Variants in NELL1 observed in about 807,000 individuals in gnomAD.
NELL1 encodes the protein protein kinase C-binding protein NELL1.
In NELL1, 76 loss-of-function variants were observed where a neutral mutation model predicts 107.4. The ratio of observed to expected loss-of-function variants is 0.71; its 90% CI spans 0.59 to 0.86. The LOEUF (loss-of-function observed/expected upper bound fraction) is 0.86, where lower values mean the gene tolerates loss of function less well. Among genes scored for constraint, NELL1 ranks in the 40% least tolerant of loss-of-function variants. The probability of loss-of-function intolerance (pLI) is 0.00; values close to 1 mark genes in which losing one functional copy is unlikely to be tolerated. For synonymous variants in NELL1, 353 were observed against 341.2 expected, an observed-to-expected ratio of 1.03 and a Z score of -0.38; for missense variants, 1,024 against 1,005.5, an observed-to-expected ratio of 1.02 and a Z score of -0.25.
At chr11:21,109,421 G>GTATTTC (rs1240364150) in intron 12 of NELL1, among the ~76,000 whole-genome samples, 1 of 152,062 alleles carries the variant, frequency 6.6e-6, no homozygotes, top group Non-Finnish European at 1.5e-5. Context: ...TTTTTAGCGT[G>GTATTTC]AACATGGATT....
chr11:20,868,483 G>A (rs1849135488), intron 4 of NELL1, among the ~76,000 whole-genome samples: 1 of 152,128 alleles, frequency 6.6e-6, no homozygotes, highest in Non-Finnish European at 1.5e-5. Context: ...GCATAACATT[G>A]TGAATGTAAT....
At chr11:21,234,686 G>A (rs1288579383) in intron 14 of NELL1, among the ~76,000 whole-genome samples, 2 of 152,184 alleles carry the variant, frequency 1.3e-5, no homozygotes, top group East Asian at 3.9e-4. Flanking sequence ...GAGTGCATGT[G>A]CAGACAAGCT....
chr11:21,113,658 T>C lies in NELL1; in HGVS notation c.1370T>C (p.Leu457Ser), dbSNP rs140865111. The stretch of plus-strand genomic sequence containing the variant: ...ACTGTGTGTGTCAACCTTCCTGGGT[T>C]ATATCGCTGTGACTGTGTCCCAGGA... Reference protein sequence around the residue: ...ANTVCVNLPGLYRCDCVPGYI... With the variant: ...ANTVCVNLPGSYRCDCVPGYI... Residue 457 changes from leucine to serine, a missense_variant, in exon 13 of 20, where the codon TTA becomes TCA. Transcript: ENST00000357134. The C allele has an allele frequency of 6.7e-5, 108 of 1,612,440 alleles. No individual in the cohort carries two copies. In the African/African-American group the frequency reaches 1.1e-3, roughly 16 times the overall value.
chr11:20,771,191 C>T (rs892217985), intron 2 of NELL1, among the ~76,000 whole-genome samples: 2 of 152,150 alleles, frequency 1.3e-5, no homozygotes, highest in African/African-American at 2.4e-5. Flanking sequence ...GCCAACTTTA[C>T]TTCTCACTCT....
intron 14 of NELL1, among the ~76,000 whole-genome samples, chr11:21,287,360 C>T (rs1001876201): frequency 1.1e-4 from 16 of 152,140 alleles, no homozygotes; most frequent in Admixed American, 1.3e-4. Context: ...AATCTATTTT[C>T]ACAATGCATC....
chr11:20,988,429 GTA>G lies in NELL1; in HGVS notation c.1300+27877_1300+27878del, dbSNP rs59442800. On this transcript the variant is annotated intron_variant, in intron 12 of 19. Transcript: ENST00000357134. ...TATATATACACATGTACATATGTGT[GTA>G]TATATATCTATATATACACATGTAC... 4.1e-4 allele frequency among the ~76,000 whole-genome samples: 52 copies of G among 125,554 alleles called. No individual in the cohort carries two copies. The East Asian group carries it at 0.011, about 27-fold the overall frequency. 82.4% of individuals were successfully genotyped at this position (125,554 alleles called of 152,430 possible). A position where few individuals can be genotyped will look rare whatever the true frequency, so the allele number is the denominator to read the frequency against.
intron 2 of NELL1, among the ~76,000 whole-genome samples, chr11:20,706,459 A>G (rs868203699): frequency 2.1e-5 from 3 of 143,802 alleles, no homozygotes; most frequent in South Asian, 4.8e-4. Flanking sequence ...AGAGGTGGGG[A>G]TTGAACAATG....
intron 13 of NELL1, among the ~76,000 whole-genome samples, chr11:21,186,966 C>CTTTAAT (rs1267218029): frequency 6.6e-6 from 1 of 151,730 alleles, no homozygotes; most frequent in Non-Finnish European, 1.5e-5. Flanking sequence ...GGACAAGTCA[C>CTTTAAT]TTTAATATTG....
Position 21,573,187 on chromosome 11 carries a change from A to G in NELL1, c.2160A>G (p.Glu720=). The G allele has an allele frequency of 6.2e-7, 1 of 1,610,054 alleles. No individual in the cohort carries two copies. The highest frequency in any genetic ancestry group is 8.5e-7 in the Non-Finnish European group (1 of 1,177,080). Reference sequence around the variant, plus strand: ...CATTTTTTGCTTTTCCTCTACAGGAAGGAGAGGTAGATTGCTGGCCACTCA... The same window carrying G: ...CATTTTTTGCTTTTCCTCTACAGGAGGGAGAGGTAGATTGCTGGCCACTCA... ...THSCQQCRCL[E]GEVDCWPLTC... The change falls in exon 19 of 20, where the codon GAA becomes GAG. Residue 720 remains glutamate (E), a splice_region_variant and synonymous_variant. Transcript: ENST00000357134.
chr11:21,551,017 G>T (rs1295264025), intron 16 of NELL1, among the ~76,000 whole-genome samples: 4 of 150,592 alleles, frequency 2.7e-5, no homozygotes, highest in African/African-American at 7.3e-5. Context: ...TTTATTTCAT[G>T]GAGCAGTGGT....
chr11:21,443,544 A>ATTTTAT (rs1554913235), intron 15 of NELL1, among the ~76,000 whole-genome samples: 1 of 150,528 alleles, frequency 6.6e-6, no homozygotes, highest in African/African-American at 2.4e-5. Flanking sequence ...CTTTGCTTTT[A>ATTTTAT]TTTTTTTTTC....
intron 12 of NELL1, among the ~76,000 whole-genome samples, chr11:21,103,528 G>C (rs930640735): frequency 6.6e-6 from 1 of 152,090 alleles, no homozygotes; most frequent in Non-Finnish European, 1.5e-5. Flanking sequence ...TACTTGTAAA[G>C]GTGAAATGAA....
In NELL1 at chr11:21,076,119, G is replaced by A. The variant is rs370652814; in HGVS notation, c.1301-37470G>A. On this transcript the variant is annotated intron_variant, in intron 12 of 19. Coordinates refer to ENST00000357134, the MANE Select transcript of NELL1 (RefSeq NM_006157.5). ...TGGATTGAAAAACAGCTGTGGAAAC[G>A]GTCTTTTATTCTCTGTATGTGATTG... Among the ~76,000 whole-genome samples the A allele has an allele frequency of 6.6e-5, 10 of 152,282 alleles. No individual in the cohort carries two copies. In the South Asian group the frequency reaches 8.3e-4, roughly 13 times the overall value.
At chr11:21,020,239 A>T (rs1852666072) in intron 12 of NELL1, among the ~76,000 whole-genome samples, 1 of 152,134 alleles carries the variant, frequency 6.6e-6, no homozygotes, top group African/African-American at 2.4e-5. Flanking sequence ...TCAGAACAAT[A>T]GCATACCAAC....
At chr11:21,460,910 T>C (rs1262763829) in intron 15 of NELL1, among the ~76,000 whole-genome samples, 1 of 152,100 alleles carries the variant, frequency 6.6e-6, no homozygotes, top group Non-Finnish European at 1.5e-5. Flanking sequence ...CTCCCTCACA[T>C]TGTGATTGGG....
chr11:21,413,648 CT>C (rs113080884), intron 15 of NELL1, among the ~76,000 whole-genome samples: 1 of 152,064 alleles, frequency 6.6e-6, no homozygotes, highest in African/African-American at 2.4e-5. Flanking sequence ...TAGCCTGTGT[CT>C]GTTTGCACAC....
At chr11:21,516,740 TACACACAC>T (rs113449367) in intron 15 of NELL1, among the ~76,000 whole-genome samples, 1,528 of 141,992 alleles carry the variant, frequency 0.011, 33 homozygotes, top group East Asian at 0.071. Flanking sequence ...CACACACACA[TACACACAC>T]ACACACACAC....
At chr11:21,119,390 A>AT (rs1855311212) in intron 13 of NELL1, among the ~76,000 whole-genome samples, 1 of 151,452 alleles carries the variant, frequency 6.6e-6, no homozygotes, top group African/African-American at 2.4e-5. Flanking sequence ...AAAATTGAAA[A>AT]AAAAAAAAAA....
At chr11:20,885,644 A>G (rs1037663121) in intron 5 of NELL1, 104 bp downstream of exon 5, 4 of 721,526 alleles carry the variant, frequency 5.5e-6, no homozygotes, top group Admixed American at 4.2e-5. Context: ...TGGGAAGGGC[A>G]TGGCATAATA....
Sources: gnomAD v4.1 joint callset for allele counts (sites outside exome capture counted in the v4.1 genomes callset) on GRCh38, gnomAD v4.1.1 for gene constraint, MANE v1.5 for transcripts, NCBI Gene and HGNC (gene_info 2026-07-23, HGNC 2026-07-21) for gene names.